PRL: variants seen among roughly 807,000 people sequenced by gnomAD.
PRL encodes the protein decidual prolactin.
In PRL, 24 loss-of-function variants were observed where a neutral mutation model predicts 21.3. The ratio of observed to expected loss-of-function variants is 1.13; its 90% confidence interval spans 0.82 to 1.59. The LOEUF (loss-of-function observed/expected upper bound fraction) is 1.59. Among genes scored for constraint, PRL ranks in the 40% most tolerant of loss-of-function variants. The pLI, the probability that PRL is intolerant of heterozygous loss-of-function variation, is 0.00. For synonymous variants in PRL, 118 were observed against 115.7 expected (o/e 1.02, Z -0.13); for missense variants, 243 against 286.9 (o/e 0.85, Z 1.10).
At chr6:22,291,485 G>A (rs1394443704) in intron 3 of PRL, among the ~76,000 whole-genome samples, 1 of 152,108 alleles carries the variant, frequency 6.6e-6, no homozygotes, top group Non-Finnish European at 1.5e-5. Flanking sequence ...GTCTGACAAT[G>A]TAGTACAAGT....
intron 2 of PRL, 109 bp from the exon 3 acceptor site, chr6:22,292,754 T>C (rs893186883): frequency 9.9e-6 from 8 of 805,244 alleles, no homozygotes; most frequent in Middle Eastern, 2.4e-4. Flanking sequence ...TTTAAAAAAT[T>C]AGAGCTACAT....
upstream of PRL, chr6:22,297,285 G>T (rs1317987179): frequency 2.3e-6 from 1 of 430,764 alleles, no homozygotes; most frequent in African/African-American, 2.0e-5. Context: ...ATGAAGGTGA[G>T]ATCTGAGACT....
At chr6:22,293,222 A>T (rs1761091148) in intron 2 of PRL, among the ~76,000 whole-genome samples, 2 of 152,206 alleles carry the variant, frequency 1.3e-5, no homozygotes, top group South Asian at 4.1e-4. Flanking sequence ...ATAATTCAGA[A>T]ACACAGGGCA....
intron 3 of PRL, among the ~76,000 whole-genome samples, chr6:22,291,222 A>G (rs2113503939): frequency 6.6e-6 from 1 of 152,016 alleles, no homozygotes. Context: ...AGGATATGAA[A>G]GAAATGAGCT....
upstream of PRL, among the ~76,000 whole-genome samples, chr6:22,298,890 C>A (rs971224583): frequency 1.2e-4 from 18 of 152,112 alleles, no homozygotes; most frequent in African/African-American, 4.1e-4. Flanking sequence ...AGGATAAGAG[C>A]AATCTAAGAA....
chr6:22,293,624 AG>A (rs1761102892), intron 2 of PRL, among the ~76,000 whole-genome samples: 1 of 56,754 alleles, frequency 1.8e-5, no homozygotes, highest in African/African-American at 7.1e-5. Flanking sequence ...GGAGGGAAGG[AG>A]GGAAGGAAGG....
In PRL at chr6:22,288,203, A is replaced by G. The variant is rs1760963613; in HGVS notation, c.493-610T>C. Among the ~76,000 whole-genome samples, 1 of 152,114 alleles carries G rather than the reference A, an allele frequency of 6.6e-6. No individual in the cohort carries two copies. The highest frequency in any genetic ancestry group is 1.5e-5 in the Non-Finnish European group (1 of 68,026). On this transcript the variant is annotated intron_variant, in intron 4 of 4. Coordinates refer to ENST00000306482, the MANE Select transcript of PRL (RefSeq NM_000948.6). The surrounding 1 kb of genome is among the most constrained non-coding windows in gnomAD (Gnocchi z 4.5). ...TAGGGGAAACAATTGCTTTCTTTTG[A>G]GGTCCCTGGGCTGGGAGGTGCCGGG... is the stretch of plus-strand genomic sequence containing the variant.
intron 1 of PRL, among the ~76,000 whole-genome samples, chr6:22,302,599 C>T (rs1016400468): frequency 1.3e-5 from 2 of 151,992 alleles, no homozygotes; most frequent in African/African-American, 4.8e-5. Flanking sequence ...TATAAATTTA[C>T]ATGAAAAAGA....
In PRL at chr6:22,294,599, A is replaced by G. The variant is rs767865001; in HGVS notation, c.29-15T>C. ...CAGGAGGGACCCTGCTTAAATAAGA[A>G]CGCGAGCCACTCTGAGATGATTTAT... On this transcript the variant is annotated splice_polypyrimidine_tract_variant and intron_variant, in intron 1 of 4. Coordinates refer to ENST00000306482, the MANE Select transcript of PRL (RefSeq NM_000948.6). 1 of 1,517,646 alleles carries G rather than the reference A, an allele frequency of 6.6e-7. No individual in the cohort carries two copies. The highest frequency in any genetic ancestry group is 2.5e-5 in the East Asian group (1 of 40,780). The allele number at this position is 1,517,646 out of a possible 1,614,324, so 94.0% of individuals were successfully genotyped here. A position where few individuals can be genotyped will look rare whatever the true frequency, so the allele number is the denominator to read the frequency against.
intron 1 of PRL, among the ~76,000 whole-genome samples, chr6:22,296,377 A>C (rs772145665): frequency 1.1e-4 from 16 of 152,350 alleles, no homozygotes; most frequent in Non-Finnish European, 1.8e-4. Flanking sequence ...CTTGAACCAA[A>C]TTGACAAAGA....
chr6:22,293,659 G>GAAAA (rs1761107664), intron 2 of PRL, among the ~76,000 whole-genome samples: 2 of 94,468 alleles, frequency 2.1e-5, no homozygotes, highest in Admixed American at 1.0e-4. Flanking sequence ...AGGAAGGAAG[G>GAAAA]AAGGAAGGAA....
chr6:22,300,324 T>A (rs964343219), upstream of PRL, among the ~76,000 whole-genome samples: 2 of 152,228 alleles, frequency 1.3e-5, no homozygotes, highest in African/African-American at 4.8e-5. Context: ...AACTGCAACC[T>A]AAATTAAGAA....
chr6:22,294,055 A>G (rs527658799), intron 2 of PRL, among the ~76,000 whole-genome samples: 2 of 152,288 alleles, frequency 1.3e-5, no homozygotes, highest in African/African-American at 4.8e-5. Context: ...GTGCTAAGTA[A>G]AGAATGCCTG....
rs367900460 is a variant in PRL, at chr6:22,288,947, C to T, written c.492+1227G>A. The stretch of plus-strand genomic sequence containing the variant: ...GCGCGTGTGTGTGCATGTGTGTGTG[C>T]GTGCGCGTGTGTGTGCGTGTGTGTA... On this transcript the variant is annotated intron_variant, in intron 4 of 4. Coordinates refer to ENST00000306482, the MANE Select transcript of PRL (RefSeq NM_000948.6). This position sits in a 1 kb window ranked among gnomAD's most constrained non-coding sequence, Gnocchi z 4.5. Among the ~76,000 whole-genome samples the T allele has an allele frequency of 2.4e-4, 37 of 151,114 alleles. No individual in the cohort carries two copies. Among genetic ancestry groups the T allele is most frequent in the South Asian group, 1.9e-3 (9 of 4,772 alleles).
At chr6:22,296,927 C>T in intron 1 of PRL, 28 bp downstream of exon 1, 1 of 1,610,702 alleles carries the variant, frequency 6.2e-7, no homozygotes, top group East Asian at 2.2e-5. Flanking sequence ...TTGATACAAC[C>T]AACAACGCAG....
In PRL at chr6:22,288,509, T is replaced by C. The variant is rs1205269336; in HGVS notation, c.493-916A>G. ...GAGATGACACCACTACACTCCAGCA[T>C]AGGTGACACAGTGAGAACTTGTCTA... On this transcript the variant is annotated intron_variant, in intron 4 of 4. Transcript: ENST00000306482. This position sits in a 1 kb window ranked among gnomAD's most constrained non-coding sequence, Gnocchi z 4.5. Among the ~76,000 whole-genome samples, 1 of 151,374 alleles carries C rather than the reference T, an allele frequency of 6.6e-6. No homozygotes were observed. The highest frequency in any genetic ancestry group is 1.5e-5 in the Non-Finnish European group (1 of 67,894).
At position 22,288,924 on chromosome 6, in the gene PRL, G is replaced by T. The variant is rs114971761; in HGVS notation, c.492+1250C>A. Among the ~76,000 whole-genome samples the T allele has an allele frequency of 1.5e-3, 219 of 150,294 alleles. No individual in the cohort carries two copies. The highest frequency in any genetic ancestry group is 5.0e-3 in the African/African-American group (203 of 40,968). ...TGTGCGCGCGCGTGTGTGTGCGTGC[G>T]CGTGTGTGTGCATGTGTGTGTGCGT... On this transcript the variant is annotated intron_variant, in intron 4 of 4. Coordinates refer to ENST00000306482, the MANE Select transcript of PRL (RefSeq NM_000948.6). The surrounding 1 kb of genome is among the most constrained non-coding windows in gnomAD (Gnocchi z 4.5).
intron 3 of PRL, among the ~76,000 whole-genome samples, chr6:22,290,685 C>A (rs749339347): frequency 2.0e-5 from 3 of 152,072 alleles, no homozygotes; most frequent in Non-Finnish European, 4.4e-5. Context: ...ATTTGCTTGT[C>A]CCTGGGGAGA....
chr6:22,297,449 G>C (rs1761202258), upstream of PRL: 1 of 154,726 alleles, frequency 6.5e-6, no homozygotes, highest in Non-Finnish European at 1.4e-5. Context: ...AAGATTGCTA[G>C]GTAAAGATTT....
Sources: gnomAD v4.1 joint callset for allele counts (sites outside exome capture counted in the v4.1 genomes callset) on GRCh38, gnomAD v4.1.1 for gene constraint, Gnocchi (gnomAD v3.1) non-coding constraint, MANE v1.5 for transcripts, NCBI Gene and HGNC (gene_info 2026-07-23, HGNC 2026-07-21) for gene names.